Variants in KCNC4 observed in about 807,000 individuals in gnomAD.
KCNC4 encodes voltage-gated potassium channel KCNC4.
A neutral mutation model predicts 42.8 loss-of-function variants in KCNC4; 23 were observed. That is an observed-to-expected ratio of 0.54 (90% CI 0.39 to 0.76). KCNC4 has a LOEUF of 0.76. KCNC4 is among the 30% of genes least tolerant of loss of function. The probability of loss-of-function intolerance (pLI) is 0.00; values close to 1 mark genes in which losing one functional copy is unlikely to be tolerated. For missense variants in KCNC4, 751 were observed against 898.2 expected (o/e 0.84, Z 2.10); for synonymous variants, 422 against 393.5 (o/e 1.07, Z -0.86).
chr1:110,270,118 CCTGGAAAAACA>C (rs1659612554), intron 1 of KCNC4, among the ~76,000 whole-genome samples: 1 of 152,182 alleles, frequency 6.6e-6, no homozygotes, highest in South Asian at 2.1e-4. Context: ...ATCCTTCTCA[CCTGGAAAAACA>C]CTGACGTCCA....
At chr1:110,222,675 C>T (rs1043400388) in intron 1 of KCNC4, 3 of 395,646 alleles carry the variant, frequency 7.6e-6, no homozygotes, top group Non-Finnish European at 1.4e-5. Flanking sequence ...CAGAGGTGGG[C>T]AGAGCTATCA....
At chr1:110,232,280 A>C (rs1658732760) in intron 3 of KCNC4, 1 of 1,613,744 alleles carries the variant, frequency 6.2e-7, no homozygotes, top group East Asian at 2.2e-5. Flanking sequence ...ATGCCCTCCA[A>C]CTGCTGGGAC....
downstream of KCNC4, chr1:110,236,947 G>A (rs140629478): frequency 1.3e-5 from 2 of 152,204 alleles, no homozygotes; most frequent in East Asian, 3.9e-4. Context: ...TTTTTGATTT[G>A]TAATTTTTGT....
intron 1 of KCNC4, among the ~76,000 whole-genome samples, chr1:110,261,761 A>G (rs888773942): frequency 6.6e-6 from 1 of 152,262 alleles, no homozygotes; most frequent in African/African-American, 2.4e-5. Flanking sequence ...AAAATATAAC[A>G]GAATTCTTAT....
intron 2 of KCNC4, chr1:110,224,813 A>G (rs1473270262): frequency 1.3e-5 from 2 of 152,270 alleles, no homozygotes; most frequent in African/African-American, 4.8e-5. Flanking sequence ...TGGGAAAGGT[A>G]TGGAATTCCT....
intron 1 of KCNC4, among the ~76,000 whole-genome samples, chr1:110,269,357 C>G (rs1190403463): frequency 6.6e-6 from 1 of 152,180 alleles, no homozygotes; most frequent in African/African-American, 2.4e-5. Context: ...TTCTCACAAC[C>G]ACCAATCTAA....
downstream of KCNC4, among the ~76,000 whole-genome samples, chr1:110,283,299 A>C (rs1659861344): frequency 6.6e-6 from 1 of 152,124 alleles, no homozygotes; most frequent in Non-Finnish European, 1.5e-5. Flanking sequence ...TTCAACATGC[A>C]TTTTGGTGGG....
chr1:110,259,730 T>C (rs568558049), intron 1 of KCNC4, among the ~76,000 whole-genome samples: 1 of 152,316 alleles, frequency 6.6e-6, no homozygotes, highest in Non-Finnish European at 1.5e-5. Context: ...GAGGTTCTTC[T>C]TGACTTTCTT....
At chr1:110,246,392 G>A (rs544911596) in exon 4 of KCNC4, 1 of 152,304 alleles carries the variant, frequency 6.6e-6, no homozygotes, top group South Asian at 2.1e-4. Context: ...GTGACTAGAG[G>A]GTAGGGAGTT....
In KCNC4 at chr1:110,211,137, T is replaced by A. The variant is rs910516534; in HGVS notation, c.-363T>A. Among the ~76,000 whole-genome samples the A allele has an allele frequency of 7.2e-5, 11 of 152,230 alleles. No homozygotes were observed. Among genetic ancestry groups the A allele is most frequent in the African/African-American group, 2.7e-4 (11 of 41,468 alleles). On this transcript the variant is annotated 5_prime_UTR_variant, in exon 1 of 4. Transcript: ENST00000438661. The surrounding 1 kb of genome is among the most constrained non-coding windows in gnomAD (Gnocchi z 6.5). ...TTCGCGGTGCGCGTGGACTGTGCGC[T>A]TCCTCGTCTTTGGTCGGGGTGAAGG...
At position 110,226,001 on chromosome 1, in the gene KCNC4, G is replaced by A. The variant is rs149082882; in HGVS notation, c.1642G>A (p.Ala548Thr). ...ADSKQNGDAN[A>T]VLSDEEGAGL... The stretch of plus-strand genomic sequence containing the variant: ...CTCTAAGCAGAATGGCGATGCCAAC[G>A]CAGTGCTGTCTGATGAGGAGGGAGC... Residue 548 changes from alanine (A) to threonine (T), a missense_variant, in exon 3 of 4, where the codon GCA becomes ACA. Physicochemically the swap from Ala to Thr is moderately conservative, Grantham distance 58. Transcript: ENST00000438661. 2.4e-5 allele frequency: 39 copies of A among 1,608,002 alleles called. No homozygotes were observed. Among genetic ancestry groups the A allele is most frequent in the African/African-American group, 4.0e-5 (3 of 74,868 alleles).
At chr1:110,224,200 T>C (rs1658271855) in intron 2 of KCNC4, 1 of 361,016 alleles carries the variant, frequency 2.8e-6, no homozygotes, top group African/African-American at 2.0e-5. Context: ...TTGGCCACTG[T>C]GCTGTGTGCC....
chr1:110,241,776 A>G lies in KCNC4; in HGVS notation c.*9467A>G, dbSNP rs528586635. ...GAATCCTTCCTGGGCTCTCCCAGGT[A>G]GAATTCCTCTGTCCTTTATGCTCTC... On this transcript the variant is annotated 3_prime_UTR_variant, in exon 4 of 4. Transcript: ENST00000369787. The G allele has an allele frequency of 2.0e-5, 3 of 152,362 alleles. No homozygotes were observed. In the East Asian group the frequency reaches 5.8e-4, roughly 29 times the overall value. The allele number at this position is 152,362 out of a possible 1,614,324, so 9.4% of individuals were successfully genotyped here.
chr1:110,260,871 A>C (rs1213247044), intron 1 of KCNC4, among the ~76,000 whole-genome samples: 1 of 152,258 alleles, frequency 6.6e-6, no homozygotes, highest in African/African-American at 2.4e-5. Flanking sequence ...CGGAGCTTGC[A>C]GTGAGCCGAG....
intron 1 of KCNC4, 142 bp from the exon 2 acceptor site, chr1:110,222,821 TC>T (rs1658171507): frequency 3.2e-6 from 2 of 625,856 alleles, no homozygotes; most frequent in Non-Finnish European, 5.6e-6. Context: ...AGGAGGGACT[TC>T]CAGCCCTGAC....
intron 3 of KCNC4, among the ~76,000 whole-genome samples, chr1:110,229,361 A>C (rs1435824840): frequency 6.6e-6 from 1 of 152,132 alleles, no homozygotes; most frequent in Admixed American, 6.5e-5. Flanking sequence ...GGCTTGGTGC[A>C]GGCCGTGGGC....
At chr1:110,232,096 A>C in intron 3 of KCNC4, 1 of 804,924 alleles carries the variant, frequency 1.2e-6, no homozygotes, top group Non-Finnish European at 2.0e-6. Context: ...TCCCACTGGT[A>C]AGGTAGGGGA....
chr1:110,226,514 A>C (rs1658404039), intron 3 of KCNC4, among the ~76,000 whole-genome samples: 1 of 152,128 alleles, frequency 6.6e-6, no homozygotes, highest in Non-Finnish European at 1.5e-5. Flanking sequence ...TTCAGGCCCC[A>C]TTCCACAGGG....
chr1:110,226,363 C>T (rs987331690), intron 3 of KCNC4, 185 bp downstream of exon 3: 5 of 634,732 alleles, frequency 7.9e-6, no homozygotes, highest in South Asian at 3.5e-5. Context: ...AAGGTCTTCT[C>T]CATCTCAGAA....
Sources: allele counts gnomAD v4.1 joint callset (sites outside exome capture counted in the v4.1 genomes callset), GRCh38; gene constraint gnomAD v4.1.1; non-coding constraint Gnocchi (gnomAD v3.1); transcripts MANE v1.5; gene names NCBI Gene and HGNC (gene_info 2026-07-23, HGNC 2026-07-21).